TUBA1C: variants seen among roughly 807,000 people sequenced by gnomAD.
The protein encoded by TUBA1C is tubulin alpha 1c, also known as tubulin alpha-1C chain.
TUBA1C carries 16 observed loss-of-function variants against 34.9 expected under a neutral mutation model. The ratio of observed to expected loss-of-function variants is 0.46; its 90% CI spans 0.31 to 0.70. The LOEUF (loss-of-function observed/expected upper bound fraction) is 0.70. TUBA1C is among the 30% of genes least tolerant of loss of function. The pLI, the probability that TUBA1C is intolerant of heterozygous loss-of-function variation, is 0.05. For synonymous variants in TUBA1C, 177 were observed against 215.9 expected (o/e 0.82, Z 1.58); for missense variants, 329 against 587.3 (o/e 0.56, Z 4.55).
At chr12:49,259,986 A>G (rs1421690436) in intron 1 of TUBA1C, among the ~76,000 whole-genome samples, 1 of 152,120 alleles carries the variant, frequency 6.6e-6, no homozygotes, top group Non-Finnish European at 1.5e-5. Flanking sequence ...GGGAAAGAAA[A>G]CCTTCAGGGG....
At chr12:49,253,822 A>C (rs187657647) in intron 1 of TUBA1C, among the ~76,000 whole-genome samples, 1 of 152,294 alleles carries the variant, frequency 6.6e-6, no homozygotes, top group Admixed American at 6.5e-5. Context: ...ACAGTAACTC[A>C]AACTGGTACT....
At chr12:49,260,856 G>A (rs753169858), upstream of TUBA1C, among the ~76,000 whole-genome samples, 2 of 152,010 alleles carry the variant, frequency 1.3e-5, no homozygotes, top group Admixed American at 1.3e-4. Flanking sequence ...AAAGCCTTCC[G>A]AGTAGCTGGC....
At chr12:49,270,546 G>A (rs11168956) in intron 3 of TUBA1C, among the ~76,000 whole-genome samples, 2,286 of 152,312 alleles carry the variant, frequency 0.015, 53 homozygotes, top group African/African-American at 0.052. Flanking sequence ...AGAGTAACTT[G>A]TCAAGAAAAT....
chr12:49,254,589 G>C (rs536573124), intron 1 of TUBA1C, among the ~76,000 whole-genome samples: 2 of 151,740 alleles, frequency 1.3e-5, no homozygotes, highest in South Asian at 2.1e-4. Context: ...TGTCCTTTGA[G>C]TGTAGTGGAG....
intron 1 of TUBA1C, among the ~76,000 whole-genome samples, chr12:49,268,097 GAC>G (rs367819252): frequency 2.0e-5 from 3 of 151,754 alleles, no homozygotes; most frequent in African/African-American, 2.4e-5. Flanking sequence ...ATGAGAGAGA[GAC>G]ACACACACAC....
In TUBA1C at chr12:49,272,940, A is replaced by C. The variant is rs1943013326; in HGVS notation, c.1063A>C (p.Ile355Leu). The C allele has an allele frequency of 6.2e-7, 1 of 1,614,180 alleles. No individual in the cohort carries two copies. The highest frequency in any genetic ancestry group is 1.3e-5 in the African/African-American group (1 of 75,062). The stretch of plus-strand genomic sequence containing the variant: ...GTGCCCCACTGGCTTCAAGGTTGGC[A>C]TTAATTACCAGCCTCCCACTGTGGT... ...DWCPTGFKVGINYQPPTVVPG... is the reference protein window; with the variant it reads ...DWCPTGFKVGLNYQPPTVVPG... Residue 355 changes from isoleucine (I) to leucine (L), a missense_variant, in exon 4 of 4, where the codon ATT becomes CTT. Ile to Leu is a conservative substitution (Grantham distance 5). Around this residue, in one of 4 missense-constraint regions of TUBA1C, gnomAD observed 140 missense variants for 289.8 expected, o/e 0.48. Transcript: ENST00000301072.
At chr12:49,268,463 A>G (rs1942945644) in intron 1 of TUBA1C, among the ~76,000 whole-genome samples, 1 of 151,372 alleles carries the variant, frequency 6.6e-6, no homozygotes, top group Admixed American at 6.6e-5. Context: ...GGCTGATTTC[A>G]AACTCCTGAC....
At chr12:49,228,204 T>A in intron 1 of TUBA1C, 1 of 1,526,648 alleles carries the variant, frequency 6.6e-7, no homozygotes. Flanking sequence ...AATAGCTTCA[T>A]CATGCACGGC....
At chr12:49,231,717 C>CAGACAGACAGATAGATAGATAGAT (rs1411016546) in intron 1 of TUBA1C, among the ~76,000 whole-genome samples, 2 of 151,270 alleles carry the variant, frequency 1.3e-5, no homozygotes, top group African/African-American at 4.9e-5. Context: ...GACAGACAGA[C>CAGACAGACAGATAGATAGATAGAT]AGATAGATAG....
At chr12:49,234,022 C>T (rs1257252948) in intron 1 of TUBA1C, 1 of 152,270 alleles carries the variant, frequency 6.6e-6, no homozygotes, top group African/African-American at 2.4e-5. Flanking sequence ...AAGGCTCTCC[C>T]ACTGGATGAC....
intron 1 of TUBA1C, among the ~76,000 whole-genome samples, chr12:49,266,241 C>T (rs557655507): frequency 6.6e-5 from 9 of 137,354 alleles, no homozygotes; most frequent in South Asian, 4.6e-4. Flanking sequence ...CTGGCTAACA[C>T]GGTGAAACCC....
chr12:49,245,544 A>G (rs1261170539), intron 1 of TUBA1C, among the ~76,000 whole-genome samples: 1 of 152,178 alleles, frequency 6.6e-6, no homozygotes, highest in Non-Finnish European at 1.5e-5. Context: ...AGGAATTTGA[A>G]GCTGAATTGA....
chr12:49,270,822 C>CA (rs1295363364), intron 3 of TUBA1C, among the ~76,000 whole-genome samples: 1 of 151,816 alleles, frequency 6.6e-6, no homozygotes. Flanking sequence ...ACTAAAAATA[C>CA]AAAAAAATTA....
At chr12:49,234,620 C>G (rs1942530934) in intron 1 of TUBA1C, among the ~76,000 whole-genome samples, 1 of 152,164 alleles carries the variant, frequency 6.6e-6, no homozygotes, top group Admixed American at 6.5e-5. Context: ...GGCGCTATCT[C>G]CAGGCCGCAG....
intron 1 of TUBA1C, among the ~76,000 whole-genome samples, chr12:49,259,685 T>C (rs564933765): frequency 6.6e-6 from 1 of 152,342 alleles, no homozygotes; most frequent in South Asian, 2.1e-4. Context: ...GAACAGATCT[T>C]GGTTGTTAAG....
At chr12:49,254,999 G>T (rs562866478) in intron 1 of TUBA1C, among the ~76,000 whole-genome samples, 17 of 152,014 alleles carry the variant, frequency 1.1e-4, no homozygotes, top group African/African-American at 3.9e-4. Context: ...TGCCCAGGGT[G>T]GTCTCAAACT....
chr12:49,230,603 A>C (rs193278487), intron 1 of TUBA1C, among the ~76,000 whole-genome samples: 3 of 152,338 alleles, frequency 2.0e-5, no homozygotes, highest in Admixed American at 2.0e-4. Context: ...GCATACTGCG[A>C]CATGTTCCGT....
chr12:49,268,736 A>G (rs1199129943), intron 1 of TUBA1C, among the ~76,000 whole-genome samples: 1 of 152,154 alleles, frequency 6.6e-6, no homozygotes, highest in African/African-American at 2.4e-5. Context: ...CATTTTCTTC[A>G]TGAGTCATGG....
chr12:49,230,021 C>T (rs967433583), intron 1 of TUBA1C, among the ~76,000 whole-genome samples: 13 of 151,234 alleles, frequency 8.6e-5, no homozygotes, highest in African/African-American at 2.9e-4. Flanking sequence ...CTCCTGACTT[C>T]GTGATCTGCT....
Sources: allele counts gnomAD v4.1 joint callset (sites outside exome capture counted in the v4.1 genomes callset), GRCh38; gene constraint gnomAD v4.1.1; regional missense constraint gnomAD v4.1.1; transcripts MANE v1.5; gene names NCBI Gene and HGNC (gene_info 2026-07-23, HGNC 2026-07-21).